The following LUZP1 variants were observed in gnomAD, a reference collection of about 807,000 sequenced individuals.
LUZP1 encodes the protein leucine zipper protein 1, also known as filamin mechanobinding actin cross-linking protein.
In LUZP1, 25 loss-of-function variants were observed where a neutral mutation model predicts 71.3. That is an observed-to-expected ratio of 0.35 (90% CI 0.26 to 0.49). The LOEUF (loss-of-function observed/expected upper bound fraction) is 0.49. Ranked by LOEUF, LUZP1 falls within the 20% of genes least tolerant of loss-of-function variation. LUZP1 has a pLI of 0.99. For missense variants in LUZP1, 1,142 were observed against 1,300.8 expected (o/e 0.88, Z 1.88); for synonymous variants, 481 against 506.4 (o/e 0.95, Z 0.67).
At chr1:23,154,148 C>T (rs772645423) in intron 2 of LUZP1, among the ~76,000 whole-genome samples, 1 of 152,096 alleles carries the variant, frequency 6.6e-6, no homozygotes, top group African/African-American at 2.4e-5. Flanking sequence ...TAGAAAACAA[C>T]GCAGTGGTTG....
At chr1:23,091,409 G>A (rs1422417019) in exon 4 of LUZP1, 13 of 1,614,052 alleles carry the variant, frequency 8.1e-6, no homozygotes, top group East Asian at 2.2e-5. Context: ...TCTGGGTGTA[G>A]GCATTGCTAT....
chr1:23,170,014 C>G (rs2148222081), intron 1 of LUZP1, among the ~76,000 whole-genome samples: 1 of 151,760 alleles, frequency 6.6e-6, no homozygotes, highest in South Asian at 2.1e-4. Context: ...TTTATCCAAA[C>G]TTCTCTTAGC....
intron 4 of LUZP1, among the ~76,000 whole-genome samples, chr1:23,090,025 T>C (rs1019259141): frequency 1.3e-5 from 2 of 152,254 alleles, no homozygotes; most frequent in Admixed American, 1.3e-4. Flanking sequence ...CCCAAAGTGC[T>C]GGGATTACAG....
chr1:23,096,894 A>G (rs1026826927), intron 3 of LUZP1, among the ~76,000 whole-genome samples: 6 of 152,174 alleles, frequency 3.9e-5, no homozygotes, highest in Non-Finnish European at 8.8e-5. Flanking sequence ...AATTGCCTGA[A>G]CCCACGGGAC....
chr1:23,104,415 C>T (rs138445919), intron 3 of LUZP1, among the ~76,000 whole-genome samples: 45 of 151,924 alleles, frequency 3.0e-4, no homozygotes, highest in African/African-American at 1.1e-3. Context: ...AACTCCTGAC[C>T]TCAAGTGATC....
exon 5 of LUZP1, chr1:23,085,610 A>G (rs1458388006): frequency 6.6e-6 from 1 of 152,406 alleles, no homozygotes; most frequent in Non-Finnish European, 1.5e-5. Flanking sequence ...ATAAAGAACT[A>G]AAACTGCCCC....
exon 5 of LUZP1, chr1:23,084,088 C>G (rs1223719884): frequency 6.6e-6 from 1 of 152,176 alleles, no homozygotes; most frequent in Non-Finnish European, 1.5e-5. Context: ...GCTAAAACTT[C>G]CCAATTCTAC....
chr1:23,136,180 G>T (rs1393843585), intron 2 of LUZP1, among the ~76,000 whole-genome samples: 1 of 152,036 alleles, frequency 6.6e-6, no homozygotes, highest in Non-Finnish European at 1.5e-5. Flanking sequence ...CAAATGATTA[G>T]AGTTAGTCAG....
intron 2 of LUZP1, among the ~76,000 whole-genome samples, chr1:23,134,228 C>A (rs1644236314): frequency 6.6e-6 from 1 of 152,196 alleles, no homozygotes; most frequent in South Asian, 2.1e-4. Context: ...CACCTGTAGT[C>A]CCAACACTCT....
At chr1:23,162,995 AC>A (rs1278442325) in intron 2 of LUZP1, among the ~76,000 whole-genome samples, 4 of 152,078 alleles carry the variant, frequency 2.6e-5, no homozygotes, top group African/African-American at 9.7e-5. Context: ...TAATCCCAGC[AC>A]TTTTGGAGGC....
chr1:23,165,645 CA>C (rs897776142), intron 2 of LUZP1, among the ~76,000 whole-genome samples: 5 of 148,376 alleles, frequency 3.4e-5, no homozygotes, highest in Admixed American at 2.7e-4. Context: ...CACTGCACTC[CA>C]AAAAAAAAGG....
chr1:23,141,710 C>T (rs1644304397), intron 2 of LUZP1, among the ~76,000 whole-genome samples: 1 of 152,054 alleles, frequency 6.6e-6, no homozygotes, highest in Non-Finnish European at 1.5e-5. Flanking sequence ...GAAACAGGGT[C>T]CCAATGTCCC....
intron 2 of LUZP1, among the ~76,000 whole-genome samples, chr1:23,132,132 C>G (rs1644220138): frequency 1.3e-5 from 2 of 152,162 alleles, no homozygotes; most frequent in Admixed American, 1.3e-4. Context: ...CAAATGAGGA[C>G]AGAAATATGG....
At chr1:23,100,908 A>T (rs1643926407) in intron 3 of LUZP1, among the ~76,000 whole-genome samples, 1 of 152,116 alleles carries the variant, frequency 6.6e-6, no homozygotes, top group Non-Finnish European at 1.5e-5. Context: ...CTCAGAAGTA[A>T]ATACTGTGCT....
At chr1:23,156,651 T>C (rs943938987) in intron 2 of LUZP1, among the ~76,000 whole-genome samples, 2 of 151,588 alleles carry the variant, frequency 1.3e-5, no homozygotes, top group African/African-American at 2.4e-5. Flanking sequence ...TTTATAGAGG[T>C]TTCAGCACTG....
chr1:23,115,823 T>G (rs1382822140), intron 2 of LUZP1, among the ~76,000 whole-genome samples: 1 of 152,064 alleles, frequency 6.6e-6, no homozygotes, highest in Non-Finnish European at 1.5e-5. Flanking sequence ...ATTACAGGCG[T>G]GAACCACCAC....
At chr1:23,084,596 GAT>G (rs1454615029) in exon 5 of LUZP1, 1 of 152,168 alleles carries the variant, frequency 6.6e-6, no homozygotes, top group Non-Finnish European at 1.5e-5. Context: ...CTGACTGACA[GAT>G]AGATGATAAA....
At position 23,149,345 on chromosome 1, in the gene LUZP1, C is replaced by T. The variant is rs1407686753; in HGVS notation, c.-226+19421G>A. ...AGATGTACAGTGCCAACATGCTCCA[C>T]CCTTTCTCTGCTAGTCAGTACAGGC... On this transcript the variant is annotated intron_variant, in intron 2 of 4. Transcript: ENST00000302291. Among the ~76,000 whole-genome samples the T allele has an allele frequency of 2.0e-5, 3 of 152,070 alleles. No individual in the cohort carries two copies. In the East Asian group the frequency reaches 5.8e-4, roughly 29 times the overall value.
intron 1 of LUZP1, among the ~76,000 whole-genome samples, chr1:23,171,605 G>A (rs542946453): frequency 6.6e-6 from 1 of 152,336 alleles, no homozygotes; most frequent in Admixed American, 6.5e-5. Flanking sequence ...GAGGAACTTT[G>A]GGGTTCTGAT....
Sources: gnomAD v4.1 joint callset for allele counts (sites outside exome capture counted in the v4.1 genomes callset) on GRCh38, gnomAD v4.1.1 for gene constraint, MANE v1.5 for transcripts, NCBI Gene and HGNC (gene_info 2026-07-23, HGNC 2026-07-21) for gene names.